Variants in SRPK2 observed in about 807,000 individuals in gnomAD.
SRPK2 encodes SRSF protein kinase 2, also known as SFRS protein kinase 2.
Under a neutral mutation model 90.8 loss-of-function variants are expected in SRPK2, and 21 were observed. The ratio of observed to expected loss-of-function variants is 0.23; its 90% CI spans 0.16 to 0.33. The LOEUF is 0.33. Ranked by LOEUF, SRPK2 falls within the 10% of genes least tolerant of loss-of-function variation. The probability of loss-of-function intolerance (pLI) is 1.00; values close to 1 mark genes in which losing one functional copy is unlikely to be tolerated. For missense variants in SRPK2, 620 were observed against 869.0 expected, an observed-to-expected ratio of 0.71 and a Z score of 3.60; for synonymous variants, 288 against 311.1, an observed-to-expected ratio of 0.93 and a Z score of 0.78.
chr7:105,146,464 C>A (rs762681271), intron 8 of SRPK2, 29 bp downstream of exon 8: 11 of 1,610,534 alleles, frequency 6.8e-6, no homozygotes, highest in Non-Finnish European at 5.1e-6. Context: ...TGCCCCCACA[C>A]TGAAATGAAG....
At chr7:105,128,764 T>C (rs1801565278) in intron 13 of SRPK2, among the ~76,000 whole-genome samples, 1 of 152,240 alleles carries the variant, frequency 6.6e-6, no homozygotes, top group Non-Finnish European at 1.5e-5. Context: ...GACCTCGCTA[T>C]GTTGTCCAGG....
chr7:105,204,525 A>G, intron 2 of SRPK2: 1 of 394,294 alleles, frequency 2.5e-6, no homozygotes, highest in South Asian at 2.1e-5. Flanking sequence ...TACAGTCTCA[A>G]TCTGGATGCC....
chr7:105,116,511 A>G lies in SRPK2; in HGVS notation c.*1327T>C, dbSNP rs760984887. ...GGCATATGGATAAATGTTAATGGAC[A>G]AAGTCAAAAACGAGGCACCTTAATG... On this transcript the variant is annotated 3_prime_UTR_variant, in exon 16 of 16. Transcript: ENST00000393651. 10 of 152,640 alleles carry G rather than the reference A, an allele frequency of 6.6e-5. No individual in the cohort carries two copies. Among genetic ancestry groups the G allele is most frequent in the South Asian group, 6.2e-4 (3 of 4,834 alleles). 9.5% of individuals were successfully genotyped at this position (152,640 alleles called of 1,614,324 possible). A position where few individuals can be genotyped will look rare whatever the true frequency, so the allele number is the denominator to read the frequency against.
chr7:105,157,531 C>A (rs1453622902), intron 7 of SRPK2, among the ~76,000 whole-genome samples: 1 of 152,150 alleles, frequency 6.6e-6, no homozygotes, highest in African/African-American at 2.4e-5. Flanking sequence ...ACTTACTACA[C>A]TGAAAGTTCT....
chr7:105,117,769 A>C lies in SRPK2; in HGVS notation c.*69T>G. 1 of 1,512,800 alleles carries C rather than the reference A, an allele frequency of 6.6e-7. No individual in the cohort carries two copies. The highest frequency in any genetic ancestry group is 9.1e-7 in the Non-Finnish European group (1 of 1,097,030). 93.7% of individuals were successfully genotyped at this position (1,512,800 alleles called of 1,614,324 possible). A position where few individuals can be genotyped will look rare whatever the true frequency, so the allele number is the denominator to read the frequency against. ...TCACTTGTAATCCTGTTAAAGAATG[A>C]GAGTCACCGTTTAGGTCCAATGTAC... On this transcript the variant is annotated 3_prime_UTR_variant, in exon 16 of 16. Transcript: ENST00000393651.
Position 105,146,533 on chromosome 7 carries a change from C to T in SRPK2, c.747G>A (p.Glu249=). The stretch of plus-strand genomic sequence containing the variant: ...GAGGAGGAGCACCTGCTTTCTGCCA[C>T]TCAGTGGCCTCAGCTGCCATTCTTC... ...YVRRMAAEAT[E]WQKAGAPPPS... Residue 249 remains glutamate (E), a synonymous_variant, in exon 8 of 16, where the codon GAG becomes GAA. Coordinates refer to ENST00000393651, the MANE Select transcript of SRPK2 (RefSeq NM_182692.3). 6.2e-7 allele frequency: 1 copy of T among 1,614,214 alleles called. No individual in the cohort carries two copies. The highest frequency in any genetic ancestry group is 8.5e-7 in the Non-Finnish European group (1 of 1,180,032).
At chr7:105,283,818 C>G (rs1254758403) in intron 2 of SRPK2, among the ~76,000 whole-genome samples, 1 of 151,960 alleles carries the variant, frequency 6.6e-6, no homozygotes, top group African/African-American at 2.4e-5. Flanking sequence ...TGGTGAGACA[C>G]CGTTTCTACA....
chr7:105,166,342 T>A (rs1262221523), intron 6 of SRPK2, among the ~76,000 whole-genome samples: 1 of 152,090 alleles, frequency 6.6e-6, no homozygotes, highest in African/African-American at 2.4e-5. Context: ...GAAATCTGTA[T>A]TAAGAAGTCT....
At chr7:105,171,624 C>T (rs1230726620) in intron 3 of SRPK2, among the ~76,000 whole-genome samples, 13 of 152,156 alleles carry the variant, frequency 8.5e-5, no homozygotes, top group Admixed American at 2.6e-4. Context: ...GAATATATTT[C>T]TGAACATTTA....
At chr7:105,304,320 C>T (rs1810914331) in intron 2 of SRPK2, 1 of 152,182 alleles carries the variant, frequency 6.6e-6, no homozygotes, top group Admixed American at 6.5e-5. Flanking sequence ...CACTTAATGA[C>T]TTTTAGCTGG....
chr7:105,137,501 C>T (rs1803031999), intron 11 of SRPK2, among the ~76,000 whole-genome samples: 1 of 152,124 alleles, frequency 6.6e-6, no homozygotes, highest in East Asian at 1.9e-4. Context: ...AGTAGCCTAG[C>T]AAGGACTGAC....
intron 2 of SRPK2, among the ~76,000 whole-genome samples, chr7:105,322,340 C>A (rs995995419): frequency 2.0e-5 from 3 of 152,070 alleles, no homozygotes; most frequent in Non-Finnish European, 4.4e-5. Flanking sequence ...TCGTTTGAAG[C>A]CAAGAGGTGG....
chr7:105,378,114 C>T (rs1189461285), intron 2 of SRPK2, among the ~76,000 whole-genome samples: 1 of 152,040 alleles, frequency 6.6e-6, no homozygotes, highest in Non-Finnish European at 1.5e-5. Flanking sequence ...CTTGACATTC[C>T]AAGACTACAC....
At chr7:105,230,383 A>C (rs1393243855) in intron 2 of SRPK2, among the ~76,000 whole-genome samples, 1 of 152,214 alleles carries the variant, frequency 6.6e-6, no homozygotes, top group African/African-American at 2.4e-5. Context: ...AAGGTGGTGG[A>C]CACCGACACT....
At chr7:105,178,690 C>T (rs928809345) in intron 3 of SRPK2, among the ~76,000 whole-genome samples, 15 of 151,962 alleles carry the variant, frequency 9.9e-5, no homozygotes, top group African/African-American at 3.4e-4. Flanking sequence ...GGCATGGTGG[C>T]GCATGCGTAT....
chr7:105,363,181 T>C (rs938389586), intron 2 of SRPK2, among the ~76,000 whole-genome samples: 1 of 151,634 alleles, frequency 6.6e-6, no homozygotes, highest in African/African-American at 2.4e-5. Flanking sequence ...GAACTTAAAG[T>C]ATAATAAAAA....
chr7:105,336,361 T>C (rs1175884022), intron 2 of SRPK2, among the ~76,000 whole-genome samples: 1 of 152,220 alleles, frequency 6.6e-6, no homozygotes, highest in East Asian at 1.9e-4. Context: ...TTTAGTGTGT[T>C]GGGACTGTTT....
At chr7:105,187,408 T>G (rs1793724717) in intron 3 of SRPK2, among the ~76,000 whole-genome samples, 1 of 152,224 alleles carries the variant, frequency 6.6e-6, no homozygotes, top group South Asian at 2.1e-4. Context: ...TACAATCATT[T>G]CATTGCTAAA....
At chr7:105,396,145 C>T (rs1437606007) in intron 1 of SRPK2, among the ~76,000 whole-genome samples, 1 of 151,708 alleles carries the variant, frequency 6.6e-6, no homozygotes. Flanking sequence ...GAACTCCCGA[C>T]CTCAGGTGAT....
Sources: gnomAD v4.1 joint callset for allele counts (sites outside exome capture counted in the v4.1 genomes callset) on GRCh38, gnomAD v4.1.1 for gene constraint, MANE v1.5 for transcripts, NCBI Gene and HGNC (gene_info 2026-07-23, HGNC 2026-07-21) for gene names.